The following VPS13D variants were observed in gnomAD, a reference collection of about 807,000 sequenced individuals.
The protein encoded by VPS13D is vacuolar protein sorting 13 homolog D, also known as intermembrane lipid transfer protein VPS13D.
In VPS13D, 187 loss-of-function variants were observed where a neutral mutation model predicts 461.9. The observed-to-expected ratio is 0.40, with a 90% confidence interval of 0.36 to 0.46. The LOEUF is 0.46. VPS13D is among the 20% of genes least tolerant of loss of function. The pLI, the probability that VPS13D is intolerant of heterozygous loss-of-function variation, is 0.60. For synonymous variants in VPS13D, 1,951 were observed against 1,986.3 expected (o/e 0.98, Z 0.47); for missense variants, 4,711 against 5,364.9 (o/e 0.88, Z 3.81).
chr1:12,313,588 A>C (rs1036576643), intron 29 of VPS13D, among the ~76,000 whole-genome samples: 1 of 152,168 alleles, frequency 6.6e-6, no homozygotes, highest in African/African-American at 2.4e-5. Context: ...TTTCTCGGTT[A>C]TGAAAAAACG....
chr1:12,270,878 C>G lies in VPS13D; in HGVS notation c.1973-116C>G, dbSNP rs1028101457. The G allele has an allele frequency of 6.8e-6, 9 of 1,315,766 alleles. No homozygotes were observed. In the East Asian group the frequency reaches 9.5e-5, roughly 14 times the overall value. 81.5% of individuals were successfully genotyped at this position (1,315,766 alleles called of 1,614,324 possible). ...TACGAGTGTGAGCCACCATGCCCAG[C>G]CTGATTTTTTTTTTTTTAAGCTTTG... On this transcript the variant is annotated intron_variant, in intron 16 of 69. Coordinates refer to ENST00000620676, the MANE Select transcript of VPS13D (RefSeq NM_015378.4).
intron 63 of VPS13D, among the ~76,000 whole-genome samples, chr1:12,414,129 C>G (rs1644765807): frequency 6.6e-6 from 1 of 152,166 alleles, no homozygotes; most frequent in South Asian, 2.1e-4. Flanking sequence ...ACAAAAAATA[C>G]AAAAATTAGC....
At chr1:12,369,823 C>T in intron 54 of VPS13D, 121 bp downstream of exon 54, 1 of 914,992 alleles carries the variant, frequency 1.1e-6, no homozygotes, top group Non-Finnish European at 1.6e-6. Flanking sequence ...CATTCTTTAC[C>T]AAACCCTGGG....
chr1:12,467,195 A>G (rs1323573377), intron 67 of VPS13D, among the ~76,000 whole-genome samples: 3 of 152,134 alleles, frequency 2.0e-5, no homozygotes, highest in Non-Finnish European at 4.4e-5. Flanking sequence ...TTTTCAAGAC[A>G]GAGTCTTGCT....
rs537511317 is a variant in VPS13D, at chr1:12,288,644, C to CT, written c.5725+339dup. Among the ~76,000 whole-genome samples the CT allele has an allele frequency of 4.7e-3, 704 of 151,192 alleles. 3 individuals carry two copies. Among genetic ancestry groups the CT allele is most frequent in the African/African-American group, 0.016 (673 of 41,144 alleles). On this transcript the variant is annotated intron_variant, in intron 22 of 69. Coordinates refer to ENST00000620676, the MANE Select transcript of VPS13D (RefSeq NM_015378.4). ...GACTCTATCTAGGGTGCCCATATAA[C>CT]TTTTTTTTGGTTCAAATTGGGATAT...
At chr1:12,255,039 G>A (rs925413138) in intron 7 of VPS13D, among the ~76,000 whole-genome samples, 1 of 151,098 alleles carries the variant, frequency 6.6e-6, no homozygotes, top group Non-Finnish European at 1.5e-5. Context: ...TCCACCTCCC[G>A]GGTTCAAGTG....
intron 16 of VPS13D, among the ~76,000 whole-genome samples, chr1:12,269,691 A>G (rs760621381): frequency 6.6e-6 from 1 of 152,244 alleles, no homozygotes; most frequent in Non-Finnish European, 1.5e-5. Context: ...TGCAGAAAAA[A>G]TACTTTTATG....
chr1:12,242,015 C>A (rs437102), intron 2 of VPS13D, among the ~76,000 whole-genome samples: 10,959 of 151,902 alleles, frequency 0.072, 670 homozygotes, highest in African/African-American at 0.15. Context: ...CAAAGAGACC[C>A]GCCGGCCACA....
At chr1:12,319,979 G>A (rs951576636) in intron 32 of VPS13D, among the ~76,000 whole-genome samples, 2 of 152,196 alleles carry the variant, frequency 1.3e-5, no homozygotes, top group Non-Finnish European at 2.9e-5. Context: ...TGAGGCCGTG[G>A]GTCTCATTTC....
intron 61 of VPS13D, among the ~76,000 whole-genome samples, chr1:12,401,005 A>C (rs1193422541): frequency 1.6e-5 from 2 of 122,036 alleles, no homozygotes; most frequent in African/African-American, 3.2e-5. Context: ...CACACACACA[A>C]TAACCCTGAA....
chr1:12,261,028 G>A lies in VPS13D; in HGVS notation c.1293G>A (p.Gln431=), dbSNP rs145656125. Residue 431 remains glutamine, a synonymous_variant, in exon 12 of 70, where the codon CAG becomes CAA. Coordinates refer to ENST00000620676, the MANE Select transcript of VPS13D (RefSeq NM_015378.4). ...CCGGTGGAGGCAGTGGGATGCTGCA[G>A]TATCTCCAGTCCTGGTTTCCTGGAT... The part of the protein sequence containing the change: ...PEPGGGSGML[Q]YLQSWFPGWG... The A allele has an allele frequency of 4.3e-6, 7 of 1,613,982 alleles. No individual in the cohort carries two copies. In the African/African-American group the frequency reaches 9.3e-5, roughly 22 times the overall value.
intron 2 of VPS13D, among the ~76,000 whole-genome samples, chr1:12,240,070 G>A (rs1640295390): frequency 6.6e-6 from 1 of 152,164 alleles, no homozygotes; most frequent in African/African-American, 2.4e-5. Context: ...CGGCCATGCT[G>A]TTTTGCCAGA....
chr1:12,434,519 C>T (rs1481480247), intron 65 of VPS13D, among the ~76,000 whole-genome samples: 3 of 152,068 alleles, frequency 2.0e-5, no homozygotes, highest in Admixed American at 1.3e-4. Context: ...TTAGTTACAC[C>T]TACTTAAGGA....
chr1:12,479,800 A>G (rs1645689339), intron 67 of VPS13D, among the ~76,000 whole-genome samples: 1 of 152,224 alleles, frequency 6.6e-6, no homozygotes, highest in South Asian at 2.1e-4. Flanking sequence ...GGAGCTTAAT[A>G]TCTGCCTATA....
intron 13 of VPS13D, among the ~76,000 whole-genome samples, chr1:12,266,332 C>A (rs916528268): frequency 4.6e-4 from 70 of 152,310 alleles, no homozygotes; most frequent in African/African-American, 1.6e-3. Context: ...ACAGAGAAAT[C>A]TTCTGTGAAA....
intron 37 of VPS13D, among the ~76,000 whole-genome samples, chr1:12,330,860 G>A (rs532650308): frequency 6.6e-6 from 1 of 152,086 alleles, no homozygotes; most frequent in Non-Finnish European, 1.5e-5. Flanking sequence ...GAGCCACTGC[G>A]CCCAGCCAAG....
chr1:12,396,481 A>C (rs1644500953), intron 60 of VPS13D, among the ~76,000 whole-genome samples: 1 of 152,148 alleles, frequency 6.6e-6, no homozygotes, highest in Admixed American at 6.5e-5. Context: ...GTAACATCAT[A>C]CTTGGAACGC....
intron 68 of VPS13D, 115 bp from the exon 69 acceptor site, chr1:12,506,738 C>A (rs1646113472): frequency 2.2e-6 from 3 of 1,373,998 alleles, no homozygotes; most frequent in South Asian, 1.4e-5. Flanking sequence ...TATTTCCCGG[C>A]AAGGGGGCCG....
At chr1:12,347,182 T>C (rs1404654024) in intron 44 of VPS13D, among the ~76,000 whole-genome samples, 1 of 152,172 alleles carries the variant, frequency 6.6e-6, no homozygotes, top group Non-Finnish European at 1.5e-5. Context: ...ATTTCTTTTT[T>C]TTTTTTGAGA....
Sources: allele counts gnomAD v4.1 joint callset (sites outside exome capture counted in the v4.1 genomes callset), GRCh38; gene constraint gnomAD v4.1.1; transcripts MANE v1.5; gene names NCBI Gene and HGNC (gene_info 2026-07-23, HGNC 2026-07-21).